The following ZNF695 variants were observed in gnomAD, a reference collection of about 807,000 sequenced individuals.
The protein encoded by ZNF695 is zinc finger protein 695.
Under a neutral mutation model 11.2 loss-of-function variants are expected in ZNF695, and 11 were observed. The ratio of observed to expected loss-of-function variants is 0.98; its 90% CI spans 0.62 to 1.62. The LOEUF (loss-of-function observed/expected upper bound fraction) is 1.62. ZNF695 is among the 40% of genes most tolerant of loss of function. The pLI, the probability that ZNF695 is intolerant of heterozygous loss-of-function variation, is 0.00. For missense variants in ZNF695, 559 were observed against 590.5 expected, an observed-to-expected ratio of 0.95 and a Z score of 0.55; for synonymous variants, 190 against 201.4, an observed-to-expected ratio of 0.94 and a Z score of 0.48.
At chr1:246,998,716 C>G (rs917969538) in intron 3 of ZNF695, among the ~76,000 whole-genome samples, 3 of 152,082 alleles carry the variant, frequency 2.0e-5, no homozygotes, top group African/African-American at 7.2e-5. Context: ...GCCTGTAATC[C>G]CGGCACTTTG....
intron 5 of ZNF695, among the ~76,000 whole-genome samples, chr1:246,954,826 C>T (rs955745739): frequency 2.6e-5 from 4 of 152,140 alleles, no homozygotes; most frequent in Non-Finnish European, 4.4e-5. Flanking sequence ...AAATTTAATA[C>T]AGTCATACAG....
intron 5 of ZNF695, among the ~76,000 whole-genome samples, chr1:246,953,725 C>T (rs575591350): frequency 2.0e-5 from 3 of 151,958 alleles, no homozygotes; most frequent in Admixed American, 6.6e-5. Context: ...GAGTTCAAAA[C>T]CAGCCTGACC....
intron 5 of ZNF695, among the ~76,000 whole-genome samples, chr1:246,958,508 A>G (rs1354960893): frequency 6.6e-6 from 1 of 152,146 alleles, no homozygotes; most frequent in East Asian, 1.9e-4. Context: ...GCCATCACAT[A>G]GTAAGGAGAC....
chr1:246,991,485 C>T (rs1669031520), intron 3 of ZNF695, among the ~76,000 whole-genome samples: 2 of 152,108 alleles, frequency 1.3e-5, no homozygotes, highest in South Asian at 4.1e-4. Flanking sequence ...AAACATTTCT[C>T]AAAACAAGAC....
intron 5 of ZNF695, among the ~76,000 whole-genome samples, chr1:246,953,059 G>A (rs1313759080): frequency 6.6e-6 from 1 of 152,100 alleles, no homozygotes; most frequent in African/African-American, 2.4e-5. Context: ...CCCAATGGCT[G>A]GACTGTAATA....
intron 3 of ZNF695, among the ~76,000 whole-genome samples, chr1:246,992,734 A>G (rs559805607): frequency 5.9e-5 from 9 of 152,300 alleles, no homozygotes; most frequent in Non-Finnish European, 8.8e-5. Context: ...CTAAAAATCA[A>G]TGAAGGGTTT....
At chr1:246,978,233 A>T (rs903318726) in intron 4 of ZNF695, among the ~76,000 whole-genome samples, 15 of 152,216 alleles carry the variant, frequency 9.9e-5, no homozygotes, top group Admixed American at 9.8e-4. Flanking sequence ...TTCAGAATAC[A>T]TTCATCCCAG....
chr1:247,007,942 A>C lies in ZNF695; in HGVS notation c.-34T>G. Reference sequence around the variant, plus strand: ...TTTTGGGGGTCCCAGCGTCCTCCCTATAAATCTCGCAATACCTGCAGGCCA... The same window carrying C: ...TTTTGGGGGTCCCAGCGTCCTCCCTCTAAATCTCGCAATACCTGCAGGCCA... On this transcript the variant is annotated 5_prime_UTR_variant, in exon 1 of 4. Coordinates refer to ENST00000339986, the MANE Select transcript of ZNF695 (RefSeq NM_020394.5). 1 of 1,498,886 alleles carries C rather than the reference A, an allele frequency of 6.7e-7. No individual in the cohort carries two copies. The highest frequency in any genetic ancestry group is 9.0e-7 in the Non-Finnish European group (1 of 1,114,296). 92.8% of individuals were successfully genotyped at this position (1,498,886 alleles called of 1,614,324 possible). A position where few individuals can be genotyped will look rare whatever the true frequency, so the allele number is the denominator to read the frequency against.
intron 4 of ZNF695, among the ~76,000 whole-genome samples, chr1:246,971,053 C>T (rs866143069): frequency 2.0e-5 from 3 of 152,126 alleles, no homozygotes; most frequent in Non-Finnish European, 2.9e-5. Context: ...CACCTAAATG[C>T]GGAGATGGGT....
chr1:246,971,106 A>G (rs753862723), intron 4 of ZNF695, among the ~76,000 whole-genome samples: 11 of 152,216 alleles, frequency 7.2e-5, no homozygotes, highest in Non-Finnish European at 1.5e-4. Flanking sequence ...TATTGGCTAC[A>G]AGACAAGTTG....
chr1:246,970,430 G>A (rs956685545), intron 4 of ZNF695, among the ~76,000 whole-genome samples: 2 of 152,156 alleles, frequency 1.3e-5, no homozygotes, highest in South Asian at 4.1e-4. Flanking sequence ...CTGAGTTGAG[G>A]AAAGACTGGA....
At chr1:246,991,257 CA>C (rs945319299) in intron 3 of ZNF695, among the ~76,000 whole-genome samples, 3 of 149,990 alleles carry the variant, frequency 2.0e-5, no homozygotes, top group Admixed American at 6.6e-5. Flanking sequence ...CACAGACAAC[CA>C]AAAAAAAATG....
chr1:246,985,297 C>T (rs1459985729), downstream of ZNF695: 1 of 984,512 alleles, frequency 1.0e-6, no homozygotes, highest in African/African-American at 1.7e-5. Context: ...TGTGAATAGT[C>T]CTTCAAGATT....
intron 1 of ZNF695, among the ~76,000 whole-genome samples, chr1:247,007,363 G>T (rs1296561342): frequency 6.6e-6 from 1 of 152,018 alleles, no homozygotes; most frequent in Non-Finnish European, 1.5e-5. Flanking sequence ...GGGCGTGGTG[G>T]TGGGCGCCTG....
Position 246,946,401 on chromosome 1 carries a change from G to A in ZNF695, c.489-574C>T, listed in dbSNP as rs1667735522. 3.3e-5 allele frequency among the ~76,000 whole-genome samples: 5 copies of A among 152,182 alleles called. 1 individual carries two copies. The South Asian group carries it at 1.0e-3, about 31-fold the overall frequency. ...CTATTATGTTCTCAATTCTTATGCG[G>A]TCTGATTTCTTACTCATTTTTAGCC... On this transcript the variant is annotated intron_variant, in intron 5 of 5. Transcript: ENST00000487338.
chr1:246,964,467 A>G (rs932157554), intron 5 of ZNF695, among the ~76,000 whole-genome samples: 2 of 152,218 alleles, frequency 1.3e-5, no homozygotes, highest in African/African-American at 2.4e-5. Flanking sequence ...AGATTCTCCT[A>G]ACGCCCCTAT....
chr1:246,974,868 A>T (rs914022725), intron 4 of ZNF695, among the ~76,000 whole-genome samples: 1 of 152,126 alleles, frequency 6.6e-6, no homozygotes, highest in Admixed American at 6.5e-5. Context: ...GGCCTTATTG[A>T]CTTTTCGGGA....
intron 3 of ZNF695, among the ~76,000 whole-genome samples, chr1:246,991,659 C>G (rs1048995098): frequency 3.3e-5 from 5 of 152,084 alleles, no homozygotes; most frequent in African/African-American, 1.2e-4. Context: ...AAAAGAAACC[C>G]CGTACACTGT....
chr1:247,004,737 T>C (rs1432169880), intron 1 of ZNF695, among the ~76,000 whole-genome samples: 2 of 152,206 alleles, frequency 1.3e-5, no homozygotes, highest in African/African-American at 4.8e-5. Context: ...GGTAAAGTGG[T>C]AGGATACAAT....
Sources: allele counts gnomAD v4.1 joint callset (sites outside exome capture counted in the v4.1 genomes callset), GRCh38; gene constraint gnomAD v4.1.1; transcripts MANE v1.5; gene names NCBI Gene and HGNC (gene_info 2026-07-23, HGNC 2026-07-21).